Variants in RAB11FIP4 observed in about 807,000 individuals in gnomAD.
RAB11FIP4 encodes the protein RAB11 family interacting protein 4, also known as rab11 family-interacting protein 4.
In RAB11FIP4, 23 loss-of-function variants were observed where a neutral mutation model predicts 74.3. That is an observed-to-expected ratio of 0.31 (90% CI 0.22 to 0.44). RAB11FIP4 has a LOEUF of 0.44. Among genes scored for constraint, RAB11FIP4 ranks in the 20% least tolerant of loss-of-function variants. The pLI is 1.00. For missense variants in RAB11FIP4, 630 were observed against 863.9 expected (o/e 0.73, Z 3.39); for synonymous variants, 360 against 359.9 (o/e 1.00, Z 0.00).
chr17:31,481,741 C>T (rs550281917), intron 3 of RAB11FIP4, among the ~76,000 whole-genome samples: 1 of 152,266 alleles, frequency 6.6e-6, no homozygotes, highest in East Asian at 1.9e-4. Context: ...AGGGAGGAAA[C>T]ACTGGTTTTC....
At chr17:31,454,430 C>T (rs982081841) in intron 3 of RAB11FIP4, among the ~76,000 whole-genome samples, 2 of 152,050 alleles carry the variant, frequency 1.3e-5, no homozygotes, top group Non-Finnish European at 1.5e-5. Flanking sequence ...TGTGCCACCA[C>T]GCCCAACTAA....
chr17:31,475,251 T>C (rs553256509), intron 3 of RAB11FIP4, among the ~76,000 whole-genome samples: 2 of 151,910 alleles, frequency 1.3e-5, no homozygotes, highest in African/African-American at 4.8e-5. Flanking sequence ...GAGTGAGTGG[T>C]GGGAAGCAGT....
At chr17:31,519,806 A>T (rs2072628508) in intron 4 of RAB11FIP4, among the ~76,000 whole-genome samples, 1 of 152,030 alleles carries the variant, frequency 6.6e-6, no homozygotes, top group South Asian at 2.1e-4. Flanking sequence ...GGGTCTGTGG[A>T]TGGAGAAGAG....
At chr17:31,430,137 T>C (rs959238911) in intron 1 of RAB11FIP4, among the ~76,000 whole-genome samples, 6 of 152,064 alleles carry the variant, frequency 3.9e-5, no homozygotes, top group Non-Finnish European at 8.8e-5. Flanking sequence ...ACCTGAAGGA[T>C]GAACTGACAT....
chr17:31,450,815 A>ACCC (rs1194093483), intron 3 of RAB11FIP4, among the ~76,000 whole-genome samples: 1,720 of 151,930 alleles, frequency 0.011, 33 homozygotes, highest in African/African-American at 0.035. Context: ...CACCCTCTGC[A>ACCC]TTTCCACCAT....
At chr17:31,506,641 G>T (rs554269074) in intron 3 of RAB11FIP4, among the ~76,000 whole-genome samples, 1 of 152,216 alleles carries the variant, frequency 6.6e-6, no homozygotes, top group African/African-American at 2.4e-5. Context: ...CATGCTGTTT[G>T]TCCTTCTCTA....
intron 3 of RAB11FIP4, among the ~76,000 whole-genome samples, chr17:31,473,377 C>CA (rs10562376): frequency 6.4e-4 from 94 of 147,210 alleles, no homozygotes; most frequent in Admixed American, 2.7e-3. Flanking sequence ...CAGTCTCTAC[C>CA]AAAAAAAAAA....
At chr17:31,407,766 G>C (rs1228665694) in intron 1 of RAB11FIP4, among the ~76,000 whole-genome samples, 1 of 152,132 alleles carries the variant, frequency 6.6e-6, no homozygotes, top group Non-Finnish European at 1.5e-5. Flanking sequence ...TGGGGATGCT[G>C]AGTTCAATCA....
intron 3 of RAB11FIP4, among the ~76,000 whole-genome samples, chr17:31,452,767 T>G (rs1315878258): frequency 6.6e-6 from 1 of 152,196 alleles, no homozygotes; most frequent in Non-Finnish European, 1.5e-5. Flanking sequence ...TAGGTTTCTG[T>G]CTCCACATTT....
Position 31,445,574 on chromosome 17 carries a change from A to T in RAB11FIP4, c.336+11452A>T, listed in dbSNP as rs1278205006. On this transcript the variant is annotated intron_variant, in intron 3 of 14. Coordinates refer to ENST00000621161, the MANE Select transcript of RAB11FIP4 (RefSeq NM_032932.6). ...TATATATATATATATATATATATAT[A>T]TATATTTTTTTTTTTTTTTTTTTTT... 3.9e-3 allele frequency among the ~76,000 whole-genome samples: 39 copies of T among 10,036 alleles called. 3 individuals are homozygous for T. Among genetic ancestry groups the T allele is most frequent in the African/African-American group, 0.014 (29 of 2,002 alleles). The allele number at this position is 10,036 out of a possible 152,430, so 6.6% of individuals were successfully genotyped here.
chr17:31,440,037 C>G (rs898817902), intron 3 of RAB11FIP4, among the ~76,000 whole-genome samples: 19 of 152,156 alleles, frequency 1.2e-4, no homozygotes, highest in African/African-American at 4.6e-4. Flanking sequence ...ATTCTGATGT[C>G]ATCATTTATC....
At chr17:31,427,183 A>T (rs140160821) in intron 1 of RAB11FIP4, among the ~76,000 whole-genome samples, 1,729 of 151,928 alleles carry the variant, frequency 0.011, 21 homozygotes, top group Non-Finnish European at 0.016. Flanking sequence ...CTGGTCTCGA[A>T]CTCCTGACCT....
chr17:31,531,907 G>C lies in RAB11FIP4; in HGVS notation c.*175G>C. On this transcript the variant is annotated 3_prime_UTR_variant, in exon 15 of 15. Coordinates refer to ENST00000621161, the MANE Select transcript of RAB11FIP4 (RefSeq NM_032932.6). ...GGCTGTGCACACGAGCGAGGGGTGA[G>C]TGGCCGTGGCTGTGGGCAGCATCCA... The C allele has an allele frequency of 1.7e-6, 1 of 591,816 alleles. No individual in the cohort carries two copies. Among genetic ancestry groups the C allele is most frequent in the Non-Finnish European group, 3.0e-6 (1 of 332,656 alleles). The allele number at this position is 591,816 out of a possible 1,614,324, so 36.7% of individuals were successfully genotyped here.
intron 1 of RAB11FIP4, among the ~76,000 whole-genome samples, chr17:31,418,337 G>A (rs1326681159): frequency 1.3e-5 from 2 of 152,082 alleles, no homozygotes; most frequent in African/African-American, 2.4e-5. Flanking sequence ...GCAGTGAGCC[G>A]AGATCGCACC....
chr17:31,488,007 C>A, intron 3 of RAB11FIP4: 1 of 1,007,370 alleles, frequency 9.9e-7, no homozygotes, highest in Non-Finnish European at 1.2e-6. Context: ...CCCCGAGTCC[C>A]GGGGCCCAGG....
intron 3 of RAB11FIP4, among the ~76,000 whole-genome samples, chr17:31,473,655 C>T (rs2071762113): frequency 6.6e-6 from 1 of 152,230 alleles, no homozygotes; most frequent in South Asian, 2.1e-4. Context: ...CTCGGCCAGG[C>T]TGCCAGGACT....
intron 3 of RAB11FIP4, among the ~76,000 whole-genome samples, chr17:31,516,146 C>A (rs950228348): frequency 6.6e-6 from 1 of 151,944 alleles, no homozygotes; most frequent in Non-Finnish European, 1.5e-5. Flanking sequence ...ATTGCCATTC[C>A]TGATTTACAG....
intron 1 of RAB11FIP4, among the ~76,000 whole-genome samples, chr17:31,417,656 GC>G (rs1157572168): frequency 2.9e-4 from 44 of 152,358 alleles, no homozygotes; most frequent in Non-Finnish European, 5.7e-4. Context: ...AGGTGGGGCT[GC>G]GGTGGGGAAC....
chr17:31,422,655 T>G (rs1316842260), intron 1 of RAB11FIP4, among the ~76,000 whole-genome samples: 2 of 152,240 alleles, frequency 1.3e-5, no homozygotes, highest in African/African-American at 4.8e-5. Flanking sequence ...TCTATCACTG[T>G]TTGTACTGTG....
Sources: gnomAD v4.1 joint callset for allele counts (sites outside exome capture counted in the v4.1 genomes callset) on GRCh38, gnomAD v4.1.1 for gene constraint, MANE v1.5 for transcripts, NCBI Gene and HGNC (gene_info 2026-07-23, HGNC 2026-07-21) for gene names.